Variants in RBM47 observed in about 807,000 individuals in gnomAD.
RBM47 encodes the protein RNA-binding protein 47.
In RBM47, 21 loss-of-function variants were observed where a neutral mutation model predicts 47.1. The ratio of observed to expected loss-of-function variants is 0.45; its 90% CI spans 0.32 to 0.64. RBM47 has a LOEUF of 0.64. Ranked by LOEUF, RBM47 falls within the 30% of genes least tolerant of loss-of-function variation. RBM47 has a pLI of 0.05. For synonymous variants in RBM47, 375 were observed against 361.7 expected (o/e 1.04, Z -0.42); for missense variants, 708 against 870.9 (o/e 0.81, Z 2.35).
rs186032808 is a variant in RBM47 at position 40,529,267 on chromosome 4, G to A, written c.-155+15155C>T. ...CACGCCTGTAATCCCAACACTTTGG[G>A]GAGGCCAAGGTGGGCAGATCACTTG... On this transcript the variant is annotated intron_variant, in intron 2 of 6. Coordinates refer to ENST00000295971, the MANE Select transcript of RBM47 (RefSeq NM_001098634.2). Among the ~76,000 whole-genome samples the A allele has an allele frequency of 2.9e-3, 447 of 152,110 alleles. 3 individuals are homozygous for A. Among genetic ancestry groups the A allele is most frequent in the Admixed American group, 7.0e-3 (107 of 15,264 alleles).
chr4:40,566,871 CTT>C (rs1731155411), intron 1 of RBM47, among the ~76,000 whole-genome samples: 1 of 151,732 alleles, frequency 6.6e-6, no homozygotes, highest in African/African-American at 2.4e-5. Flanking sequence ...CTTAGCCACT[CTT>C]TATCCTCCCA....
intron 3 of RBM47, among the ~76,000 whole-genome samples, chr4:40,458,253 G>A (rs896493152): frequency 6.6e-6 from 1 of 152,132 alleles, no homozygotes. Flanking sequence ...TGAAACAAAG[G>A]CTCTGAAACA....
At chr4:40,437,118 AT>A in intron 4 of RBM47, among the ~76,000 whole-genome samples, 1 of 45,992 alleles carries the variant, frequency 2.2e-5, no homozygotes, top group Non-Finnish European at 3.3e-5. Context: ...TATAAAATAC[AT>A]ATATATATAT....
intron 2 of RBM47, chr4:40,475,724 AACTGT>A (rs1380472297): frequency 6.6e-6 from 1 of 152,250 alleles, no homozygotes; most frequent in Non-Finnish European, 1.5e-5. Context: ...GCGACAGGCT[AACTGT>A]AATGAAAGCT....
At chr4:40,570,046 A>T (rs34374823) in intron 1 of RBM47, among the ~76,000 whole-genome samples, 5,304 of 151,964 alleles carry the variant, frequency 0.035, 328 homozygotes, top group African/African-American at 0.12. Context: ...TAAACTAATG[A>T]GTGAGAGAGT....
At chr4:40,619,711 G>T (rs1737077771) in intron 1 of RBM47, among the ~76,000 whole-genome samples, 1 of 152,172 alleles carries the variant, frequency 6.6e-6, no homozygotes, top group African/African-American at 2.4e-5. Context: ...CCCTGGAGGA[G>T]CCTTCTCTGA....
At chr4:40,622,642 G>A (rs1406796461) in intron 1 of RBM47, among the ~76,000 whole-genome samples, 2 of 152,178 alleles carry the variant, frequency 1.3e-5, no homozygotes, top group African/African-American at 4.8e-5. Flanking sequence ...AGCACTTTAG[G>A]AGGCCAAGGT....
At chr4:40,626,252 T>G (rs1238127241) in intron 1 of RBM47, among the ~76,000 whole-genome samples, 2 of 152,314 alleles carry the variant, frequency 1.3e-5, no homozygotes, top group East Asian at 3.9e-4. Flanking sequence ...TTTTTTCAGG[T>G]GTACTTAAAC....
At chr4:40,474,354 C>T (rs768103976) in intron 2 of RBM47, among the ~76,000 whole-genome samples, 10 of 152,122 alleles carry the variant, frequency 6.6e-5, no homozygotes, top group Non-Finnish European at 1.2e-4. Flanking sequence ...GGTCGCCCCC[C>T]ACACCCACCT....
chr4:40,463,088 A>T (rs1317806860), intron 3 of RBM47, among the ~76,000 whole-genome samples: 3 of 152,260 alleles, frequency 2.0e-5, no homozygotes, highest in African/African-American at 7.2e-5. Flanking sequence ...AAGAACTACA[A>T]CTCAATAACA....
At chr4:40,605,272 G>T (rs1044747943) in intron 1 of RBM47, among the ~76,000 whole-genome samples, 1 of 151,632 alleles carries the variant, frequency 6.6e-6, no homozygotes, top group East Asian at 2.0e-4. Context: ...TGATCTGCCC[G>T]CCTTGGCCTC....
intron 3 of RBM47, among the ~76,000 whole-genome samples, chr4:40,442,412 C>T (rs1394043413): frequency 1.3e-5 from 2 of 152,146 alleles, no homozygotes; most frequent in Non-Finnish European, 2.9e-5. Context: ...AACCCTCATG[C>T]AGTGCTGGTA....
At chr4:40,540,654 T>A (rs5013430) in intron 2 of RBM47, among the ~76,000 whole-genome samples, 14,484 of 72,460 alleles carry the variant, frequency 0.2, 883 homozygotes, top group South Asian at 0.25. Flanking sequence ...AAAAAAAAAA[T>A]AATAATAATA....
At chr4:40,613,697 T>C (rs984331221) in intron 1 of RBM47, among the ~76,000 whole-genome samples, 4 of 151,948 alleles carry the variant, frequency 2.6e-5, no homozygotes, top group African/African-American at 9.7e-5. Flanking sequence ...TGACTCATGC[T>C]TGTAATCCCA....
At chr4:40,461,734 G>C (rs539899537) in intron 3 of RBM47, among the ~76,000 whole-genome samples, 1 of 152,268 alleles carries the variant, frequency 6.6e-6, no homozygotes, top group African/African-American at 2.4e-5. Context: ...TTCAAGACCA[G>C]CTATGGCTAA....
At chr4:40,465,428 G>A (rs2154232083) in intron 3 of RBM47, among the ~76,000 whole-genome samples, 1 of 152,320 alleles carries the variant, frequency 6.6e-6, no homozygotes, top group South Asian at 2.1e-4. Context: ...GGGAGGCCGA[G>A]GAGGGCAGAT....
intron 2 of RBM47, among the ~76,000 whole-genome samples, chr4:40,493,895 C>A (rs1722234186): frequency 6.6e-6 from 1 of 151,258 alleles, no homozygotes; most frequent in African/African-American, 2.4e-5. Flanking sequence ...GCCAAGATCG[C>A]ACCACTGCAC....
chr4:40,467,623 T>C (rs1311373369), intron 2 of RBM47, among the ~76,000 whole-genome samples: 3 of 152,078 alleles, frequency 2.0e-5, no homozygotes, highest in East Asian at 1.9e-4. Flanking sequence ...GTTCATCGCA[T>C]GGAGAGGCCC....
intron 3 of RBM47, among the ~76,000 whole-genome samples, chr4:40,443,859 GCTACT>G (rs1199060858): frequency 2.0e-5 from 3 of 150,898 alleles, no homozygotes; most frequent in Admixed American, 6.6e-5. Context: ...TATATGGTGT[GCTACT>G]CTACTCAATG....
Sources: allele counts gnomAD v4.1 joint callset (sites outside exome capture counted in the v4.1 genomes callset), GRCh38; gene constraint gnomAD v4.1.1; transcripts MANE v1.5; gene names NCBI Gene and HGNC (gene_info 2026-07-23, HGNC 2026-07-21).